The following GBP6 variants were observed in gnomAD, a reference collection of about 807,000 sequenced individuals.
The protein encoded by GBP6 is guanylate-binding protein 6.
GBP6 carries 54 observed loss-of-function variants against 61.5 expected under a neutral mutation model. The ratio of observed to expected loss-of-function variants is 0.88; its 90% CI spans 0.71 to 1.10. GBP6 has a LOEUF of 1.10. Ranked by LOEUF, GBP6 falls within the 50% of genes least tolerant of loss-of-function variation. The pLI, the probability that GBP6 is intolerant of heterozygous loss-of-function variation, is 0.00. For synonymous variants in GBP6, 255 were observed against 273.7 expected, an observed-to-expected ratio of 0.93 and a Z score of 0.67; for missense variants, 748 against 752.8, an observed-to-expected ratio of 0.99 and a Z score of 0.07.
In GBP6 at chr1:89,371,665, A is replaced by T. The variant is rs940342316; in HGVS notation, c.318+1992A>T. Among the ~76,000 whole-genome samples, 17 of 152,332 alleles carry T rather than the reference A, an allele frequency of 1.1e-4. 1 individual carries two copies. The highest frequency in any genetic ancestry group is 6.2e-4 in the South Asian group (3 of 4,832). ...ATTAGGTATTGATGGGACGTATTTC[A>T]AAATAATAAGAGCTATTTATGTCAA... On this transcript the variant is annotated intron_variant, in intron 3 of 10. Coordinates refer to ENST00000370456, the MANE Select transcript of GBP6 (RefSeq NM_198460.3).
chr1:89,365,640 G>A (rs1652448913), intron 1 of GBP6, among the ~76,000 whole-genome samples: 1 of 152,104 alleles, frequency 6.6e-6, no homozygotes, highest in Admixed American at 6.5e-5. Flanking sequence ...TGTAATTATT[G>A]TAGTAACCTC....
At chr1:89,368,089 C>T (rs1406766179) in intron 1 of GBP6, among the ~76,000 whole-genome samples, 1 of 152,062 alleles carries the variant, frequency 6.6e-6, no homozygotes, top group African/African-American at 2.4e-5. Context: ...ACTTCCTAGC[C>T]TGCTATTTTA....
In GBP6 at chr1:89,368,637, A is replaced by G; in HGVS notation, c.86A>G (p.Gln29Arg). 2 of 1,614,196 alleles carry G rather than the reference A, an allele frequency of 1.2e-6. No homozygotes were observed. The highest frequency in any genetic ancestry group is 1.7e-6 in the Non-Finnish European group (2 of 1,180,010). Residue 29 changes from glutamine to arginine, a missense_variant, in exon 2 of 11, where the codon CAG (glutamine) becomes CGG (arginine). Physicochemically the swap from Gln to Arg is conservative, Grantham distance 43 (BLOSUM62 1). Coordinates refer to ENST00000370456, the MANE Select transcript of GBP6 (RefSeq NM_198460.3). Reference sequence around the variant, plus strand: ...CTATTGGTGAACCAGCAAGCTATACAGATTCTTGAAAAGATTTCTCAGCCA... The same window carrying G: ...CTATTGGTGAACCAGCAAGCTATACGGATTCTTGAAAAGATTTCTCAGCCA... ...EQLLVNQQAIQILEKISQPVV... is the reference protein window; with the variant it reads ...EQLLVNQQAIRILEKISQPVV...
intron 5 of GBP6, 71 bp downstream of exon 5, chr1:89,378,684 C>A: frequency 8.2e-7 from 1 of 1,213,638 alleles, no homozygotes; most frequent in Non-Finnish European, 1.2e-6. Context: ...CCCATCATCT[C>A]TGGGGTTTCA....
chr1:89,383,451 G>C (rs1206051425), intron 8 of GBP6, among the ~76,000 whole-genome samples: 1 of 152,132 alleles, frequency 6.6e-6, no homozygotes, highest in African/African-American at 2.4e-5. Flanking sequence ...TTACAGCAGT[G>C]GGAAAGGCAC....
chr1:89,369,480 C>T (rs1459643284), intron 2 of GBP6, 66 bp from the exon 3 acceptor site: 43 of 1,558,608 alleles, frequency 2.8e-5, no homozygotes, highest in Non-Finnish European at 1.0e-5. Context: ...CAGTCTGATG[C>T]TGTGGCCCCA....
intron 3 of GBP6, among the ~76,000 whole-genome samples, chr1:89,374,701 C>CAT (rs1458280164): frequency 1.3e-5 from 2 of 152,104 alleles, no homozygotes; most frequent in African/African-American, 4.8e-5. Context: ...TTTATATATA[C>CAT]ATATTAGCCA....
rs4658146 is a variant in GBP6, at chr1:89,381,885, A to G, written c.1063A>G (p.Met355Val). Residue 355 changes from methionine to valine, a missense_variant, in exon 7 of 11, where the codon ATG becomes GTG. Met to Val is a conservative substitution (Grantham distance 21). Transcript: ENST00000370456. ...PTDTLQELLD[M>V]HAACEREAIA... ...AGACACGCTCCAGGAGCTGCTGGACATGCATGCGGCCTGTGAGAGGGAAGC... is the reference window on the plus strand; with the variant it reads ...AGACACGCTCCAGGAGCTGCTGGACGTGCATGCGGCCTGTGAGAGGGAAGC... 1,220,188 of 1,613,744 alleles carry G rather than the reference A, an allele frequency of 0.76. 462,961 individuals are homozygous for G. Among genetic ancestry groups the G allele is most frequent in the African/African-American group, 0.88 (66,339 of 74,978 alleles).
At position 89,368,558 on chromosome 1, in the gene GBP6, T is replaced by C; in HGVS notation, c.7T>C (p.Ser3Pro). The change falls in exon 2 of 11, where the codon TCT becomes CCT. Residue 3 changes from serine to proline, a missense_variant. Transcript: ENST00000370456. The stretch of plus-strand genomic sequence containing the variant: ...TTCTAGGTTGGCAGTTGCCATGGAA[T>C]CTGGACCCAAAATGTTGGCCCCCGT... MESGPKMLAPVCL... is the reference protein window; with the variant it reads MEPGPKMLAPVCL... The C allele has an allele frequency of 6.2e-7, 1 of 1,613,720 alleles. No individual in the cohort carries two copies. Among genetic ancestry groups the C allele is most frequent in the Non-Finnish European group, 8.5e-7 (1 of 1,179,694 alleles).
intron 2 of GBP6, 106 bp downstream of exon 2, chr1:89,368,847 A>G (rs955323150): frequency 1.0e-6 from 1 of 961,270 alleles, no homozygotes; most frequent in East Asian, 2.4e-5. Flanking sequence ...ATTCCTTTCA[A>G]TAAACCAACC....
intron 3 of GBP6, among the ~76,000 whole-genome samples, chr1:89,371,961 CAA>C (rs1167845827): frequency 6.6e-6 from 1 of 152,228 alleles, no homozygotes; most frequent in Non-Finnish European, 1.5e-5. Context: ...GCAACTTCAG[CAA>C]AGTCTCAGGA....
rs1240472074 is a variant in GBP6, at chr1:89,384,509, T to C, written c.1662+223T>C. 2.0e-5 allele frequency among the ~76,000 whole-genome samples: 3 copies of C among 152,202 alleles called. No homozygotes were observed. The East Asian group carries it at 5.8e-4, about 29-fold the overall frequency. ...GATTCTGGAGAGGTAAGGTTGACTA[T>C]GATCCCTACAAGTCCTTGGGGAATA... On this transcript the variant is annotated intron_variant, in intron 10 of 10. Transcript: ENST00000370456.
rs116333431 is a variant in GBP6 at position 89,380,521 on chromosome 1, A to G, written c.761A>G (p.Glu254Gly). ...CTAGCCAATATTGAGAAGGTGTCAG[A>G]AAAGCAACTGGATCCCAAATTCCAG... ...DLLANIEKVS[E>G]KQLDPKFQEQ... The change falls in exon 6 of 11, where the codon GAA becomes GGA. Residue 254 changes from glutamate (E) to glycine (G), a missense_variant. Physicochemically the swap from Glu to Gly is moderately conservative, Grantham distance 98. Coordinates refer to ENST00000370456, the MANE Select transcript of GBP6 (RefSeq NM_198460.3). 1.7e-5 allele frequency: 28 copies of G among 1,614,186 alleles called. No individual in the cohort carries two copies. In the African/African-American group the frequency reaches 3.1e-4, roughly 18 times the overall value.
intron 3 of GBP6, among the ~76,000 whole-genome samples, chr1:89,373,833 T>C (rs1652719778): frequency 6.6e-6 from 1 of 151,374 alleles, no homozygotes; most frequent in African/African-American, 2.4e-5. Context: ...ATAAATTATA[T>C]ATATATTCAA....
intron 1 of GBP6, among the ~76,000 whole-genome samples, chr1:89,366,180 T>C (rs952112753): frequency 6.6e-6 from 1 of 152,232 alleles, no homozygotes; most frequent in African/African-American, 2.4e-5. Flanking sequence ...TTAATATGTA[T>C]GTACATAATT....
intron 7 of GBP6, among the ~76,000 whole-genome samples, 182 bp from the exon 8 acceptor site, chr1:89,382,482 G>T (rs1653007136): frequency 6.6e-6 from 1 of 152,176 alleles, no homozygotes; most frequent in African/African-American, 2.4e-5. Flanking sequence ...CTTTTCCATA[G>T]CCTTGAAGAG....
chr1:89,375,603 A>ATT (rs34138422), intron 3 of GBP6, among the ~76,000 whole-genome samples: 231 of 151,202 alleles, frequency 1.5e-3, no homozygotes, highest in African/African-American at 4.6e-3. Flanking sequence ...AGGTATAAGG[A>ATT]TTTTTTTTTG....
chr1:89,384,386 C>A, intron 10 of GBP6, 100 bp downstream of exon 10: 2 of 897,540 alleles, frequency 2.2e-6, no homozygotes, highest in Non-Finnish European at 3.3e-6. Context: ...GGAAGCACAT[C>A]ACCATTTGCT....
In GBP6 at chr1:89,382,770, G is replaced by T; in HGVS notation, c.1259G>T (p.Ser420Ile). 1 of 1,614,080 alleles carries T rather than the reference G, an allele frequency of 6.2e-7. No individual in the cohort carries two copies. Among genetic ancestry groups the T allele is most frequent in the East Asian group, 2.2e-5 (1 of 44,876 alleles). ...GAGCTCTCAAAGGGACTAATGGAAAGTATCTCAGCAGGAAGTTTCTCTGTT... is the reference window on the plus strand; with the variant it reads ...GAGCTCTCAAAGGGACTAATGGAAATTATCTCAGCAGGAAGTTTCTCTGTT... ...LNELSKGLME[S>I]ISAGSFSVPG... Residue 420 changes from serine to isoleucine, a missense_variant, in exon 8 of 11, where the codon AGT (serine) becomes ATT (isoleucine). Coordinates refer to ENST00000370456, the MANE Select transcript of GBP6 (RefSeq NM_198460.3).
Sources: gnomAD v4.1 joint callset for allele counts (sites outside exome capture counted in the v4.1 genomes callset) on GRCh38, gnomAD v4.1.1 for gene constraint, MANE v1.5 for transcripts, NCBI Gene and HGNC (gene_info 2026-07-23, HGNC 2026-07-21) for gene names.